The following CAPZB variants were observed in gnomAD, a reference collection of about 807,000 sequenced individuals.
The protein encoded by CAPZB is capping actin protein of muscle Z-line subunit beta, also known as F-actin-capping protein subunit beta.
CAPZB carries 2 observed loss-of-function variants against 38.1 expected under a neutral mutation model. That is an observed-to-expected ratio of 0.05 (90% CI 0.02 to 0.17). CAPZB has a LOEUF of 0.17. Among genes scored for constraint, CAPZB ranks in the 10% least tolerant of loss-of-function variants. The pLI, the probability that CAPZB is intolerant of heterozygous loss-of-function variation, is 1.00. For missense variants in CAPZB, 161 were observed against 334.2 expected (o/e 0.48, Z 4.04); for synonymous variants, 107 against 127.4 (o/e 0.84, Z 1.08).
intron 4 of CAPZB, among the ~76,000 whole-genome samples, chr1:19,372,703 G>T (rs1444218895): frequency 6.6e-6 from 1 of 152,224 alleles, no homozygotes; most frequent in Admixed American, 6.5e-5. Context: ...AGCAGAGTCG[G>T]CTCTGCTGAG....
At chr1:19,456,674 A>C (rs1308376923) in intron 1 of CAPZB, among the ~76,000 whole-genome samples, 1 of 152,206 alleles carries the variant, frequency 6.6e-6, no homozygotes, top group Non-Finnish European at 1.5e-5. Flanking sequence ...ACAACGTGAC[A>C]TCCTCGAACA....
In CAPZB at chr1:19,393,925, C is replaced by T. The variant is rs1019480847; in HGVS notation, c.94-8299G>A. ...AAACTGGCCCCCCGCCTGCCAGGGC[C>T]ACACACAAGAGGACACTTCCAGGTC... On this transcript the variant is annotated intron_variant, in intron 2 of 8. Transcript: ENST00000264202. Among the ~76,000 whole-genome samples, 6 of 152,394 alleles carry T rather than the reference C, an allele frequency of 3.9e-5. 1 individual carries two copies. The South Asian group carries it at 1.2e-3, about 32-fold the overall frequency.
At chr1:19,440,871 T>C (rs888614303) in intron 1 of CAPZB, among the ~76,000 whole-genome samples, 2 of 152,246 alleles carry the variant, frequency 1.3e-5, no homozygotes, top group Admixed American at 1.3e-4. Flanking sequence ...CCACCTTGGC[T>C]AACATGGTGA....
At chr1:19,446,040 C>T (rs905060654) in intron 1 of CAPZB, among the ~76,000 whole-genome samples, 8 of 152,162 alleles carry the variant, frequency 5.3e-5, no homozygotes, top group South Asian at 2.1e-4. Context: ...AAACAGCCCT[C>T]GGCAGAGAGG....
intron 2 of CAPZB, among the ~76,000 whole-genome samples, chr1:19,394,970 C>G (rs1475364172): frequency 6.6e-6 from 1 of 152,114 alleles, no homozygotes; most frequent in African/African-American, 2.4e-5. Flanking sequence ...CCCACAAGCC[C>G]TGTGATCAAA....
intron 1 of CAPZB, among the ~76,000 whole-genome samples, chr1:19,440,857 G>A (rs1165156563): frequency 2.6e-5 from 4 of 152,170 alleles, no homozygotes; most frequent in South Asian, 2.1e-4. Flanking sequence ...TCAGGAGATC[G>A]AGACCACCTT....
At chr1:19,484,511 G>A (rs1285718692) in intron 1 of CAPZB, 3 of 1,358,852 alleles carry the variant, frequency 2.2e-6, no homozygotes, top group Non-Finnish European at 2.9e-6. Context: ...TGCCTTCTGG[G>A]CACACCGATG....
At chr1:19,444,267 G>T (rs1258916782) in intron 1 of CAPZB, among the ~76,000 whole-genome samples, 1 of 152,086 alleles carries the variant, frequency 6.6e-6, no homozygotes, top group Non-Finnish European at 1.5e-5. Flanking sequence ...TCTCTCTCCT[G>T]AGGTGTACAT....
At chr1:19,405,541 C>CAAAAAAAAAAAA (rs10577923) in intron 2 of CAPZB, among the ~76,000 whole-genome samples, 4 of 96,478 alleles carry the variant, frequency 4.1e-5, no homozygotes, top group Admixed American at 1.1e-4. Context: ...TAGAAAGAGG[C>CAAAAAAAAAAAA]AAAAAAAAAA....
At chr1:19,378,021 G>A (rs2094152476) in intron 4 of CAPZB, among the ~76,000 whole-genome samples, 1 of 152,140 alleles carries the variant, frequency 6.6e-6, no homozygotes, top group South Asian at 2.1e-4. Flanking sequence ...TGAGCGTGTG[G>A]TATGGCAAAA....
At chr1:19,341,583 C>T (rs1359903510) in intron 8 of CAPZB, among the ~76,000 whole-genome samples, 1 of 152,222 alleles carries the variant, frequency 6.6e-6, no homozygotes, top group Admixed American at 6.5e-5. Flanking sequence ...CGCTTGGAGA[C>T]AGTGCTCGAC....
chr1:19,348,765 G>T (rs527323596), intron 6 of CAPZB, among the ~76,000 whole-genome samples: 2 of 136,290 alleles, frequency 1.5e-5, no homozygotes, highest in South Asian at 2.5e-4. Context: ...GACAAGGGGG[G>T]GGGGCGGTCT....
chr1:19,358,737 C>T (rs2094035409), intron 4 of CAPZB, among the ~76,000 whole-genome samples: 1 of 152,230 alleles, frequency 6.6e-6, no homozygotes, highest in Admixed American at 6.5e-5. Flanking sequence ...GAAATCTCAT[C>T]TCTCGTGGTG....
intron 1 of CAPZB, among the ~76,000 whole-genome samples, chr1:19,458,828 G>A (rs143371335): frequency 6.6e-6 from 1 of 152,348 alleles, no homozygotes; most frequent in East Asian, 1.9e-4. Context: ...TCCTTCTAAG[G>A]TGTGAAGCAA....
chr1:19,354,425 A>T (rs1333933258), intron 6 of CAPZB, among the ~76,000 whole-genome samples: 1 of 152,146 alleles, frequency 6.6e-6, no homozygotes, highest in Admixed American at 6.5e-5. Flanking sequence ...ACCTCATTGC[A>T]ATCCCTCCCC....
At chr1:19,368,328 T>C (rs2094101239) in intron 4 of CAPZB, among the ~76,000 whole-genome samples, 1 of 151,936 alleles carries the variant, frequency 6.6e-6, no homozygotes, top group African/African-American at 2.4e-5. Context: ...GCCACACCAC[T>C]GAACACACAG....
At chr1:19,353,175 G>A (rs979315328) in intron 6 of CAPZB, among the ~76,000 whole-genome samples, 2 of 152,226 alleles carry the variant, frequency 1.3e-5, no homozygotes, top group African/African-American at 2.4e-5. Flanking sequence ...CCTTGCTGAG[G>A]GTGCTGATGC....
chr1:19,479,044 A>G (rs183821147), intron 1 of CAPZB, among the ~76,000 whole-genome samples: 1 of 152,182 alleles, frequency 6.6e-6, no homozygotes, highest in African/African-American at 2.4e-5. Flanking sequence ...CCCTGTCTCT[A>G]CTAAAAATAC....
At chr1:19,419,587 A>G (rs2094393531) in intron 2 of CAPZB, 74 bp downstream of exon 2, 1 of 844,034 alleles carries the variant, frequency 1.2e-6, no homozygotes, top group Non-Finnish European at 2.0e-6. Context: ...TGAATTCTGC[A>G]TGGAAAAAGC....
Sources: allele counts gnomAD v4.1 joint callset (sites outside exome capture counted in the v4.1 genomes callset), GRCh38; gene constraint gnomAD v4.1.1; transcripts MANE v1.5; gene names NCBI Gene and HGNC (gene_info 2026-07-23, HGNC 2026-07-21).